Variants in TRA2B observed in about 807,000 individuals in gnomAD.
TRA2B encodes transformer 2 beta homolog.
In TRA2B, 14 loss-of-function variants were observed where a neutral mutation model predicts 41.7. The ratio of observed to expected loss-of-function variants is 0.34; its 90% CI spans 0.22 to 0.53. The LOEUF (loss-of-function observed/expected upper bound fraction) is 0.53, where lower values mean the gene tolerates loss of function less well. Among genes scored for constraint, TRA2B ranks in the 20% least tolerant of loss-of-function variants. The pLI, the probability that TRA2B is intolerant of heterozygous loss-of-function variation, is 0.95. For missense variants in TRA2B, 167 were observed against 396.8 expected (o/e 0.42, Z 4.92); for synonymous variants, 130 against 128.8 (o/e 1.01, Z -0.06).
In TRA2B at chr3:185,937,717, A is replaced by G. The variant is rs571375207; in HGVS notation, c.36+108T>C. On this transcript the variant is annotated intron_variant, in intron 1 of 8. Transcript: ENST00000453386. ...CCCTTGCCTGCCCTCCCGGCTTCAG[A>G]CTTCGGAGCCTAAAACGCCCCTGCC... 8.7e-6 allele frequency: 13 copies of G among 1,498,600 alleles called. No homozygotes were observed. In the African/African-American group the frequency reaches 1.8e-4, roughly 21 times the overall value. The allele number at this position is 1,498,600 out of a possible 1,614,324, so 92.8% of individuals were successfully genotyped here. A position where few individuals can be genotyped will look rare whatever the true frequency, so the allele number is the denominator to read the frequency against.
intron 1 of TRA2B, chr3:185,936,297 A>G: frequency 1.0e-6 from 1 of 985,448 alleles, no homozygotes; most frequent in Non-Finnish European, 1.2e-6. Flanking sequence ...ATCAGAAGTC[A>G]CGACTTTTTA....
chr3:185,925,249 C>T (rs1743900778), intron 3 of TRA2B: 2 of 473,668 alleles, frequency 4.2e-6, no homozygotes, highest in South Asian at 5.5e-5. Flanking sequence ...AGGAGTTACA[C>T]CATTGTGTCA....
intron 1 of TRA2B, among the ~76,000 whole-genome samples, chr3:185,932,959 G>C (rs993388032): frequency 6.6e-6 from 1 of 152,092 alleles, no homozygotes; most frequent in African/African-American, 2.4e-5. Flanking sequence ...CCTAACAAAA[G>C]GATAATTTCC....
intron 1 of TRA2B, chr3:185,936,796 A>G: frequency 4.1e-6 from 4 of 985,286 alleles, no homozygotes; most frequent in Non-Finnish European, 4.8e-6. Context: ...GTATGTTCGC[A>G]TCATTCAATG....
At chr3:185,936,377 T>C in intron 1 of TRA2B, 7 of 985,246 alleles carry the variant, frequency 7.1e-6, no homozygotes, top group Non-Finnish European at 8.4e-6. Context: ...TCTAAAACAC[T>C]CGTGACATTG....
At chr3:185,936,400 T>C (rs1159941713) in intron 1 of TRA2B, 11 of 985,204 alleles carry the variant, frequency 1.1e-5, no homozygotes, top group Admixed American at 6.2e-5. Context: ...GTCAATCGGC[T>C]TCGGGAAAAA....
chr3:185,933,358 C>A (rs566270965), intron 1 of TRA2B, among the ~76,000 whole-genome samples: 1 of 152,254 alleles, frequency 6.6e-6, no homozygotes, highest in Non-Finnish European at 1.5e-5. Flanking sequence ...TTCAACTCAG[C>A]TAAGTTCAAG....
chr3:185,934,597 T>G (rs1744277081), intron 1 of TRA2B: 2 of 985,396 alleles, frequency 2.0e-6, no homozygotes, highest in East Asian at 1.1e-4. Flanking sequence ...TTTCCTCCTA[T>G]TTGACAATTC....
At chr3:185,932,029 GAA>G (rs1477317943) in intron 1 of TRA2B, among the ~76,000 whole-genome samples, 3 of 151,026 alleles carry the variant, frequency 2.0e-5, no homozygotes, top group African/African-American at 7.3e-5. Flanking sequence ...GCTGGTTCTA[GAA>G]TATATGGTAA....
At chr3:185,934,499 A>C (rs970868048) in intron 1 of TRA2B, 24 of 985,436 alleles carry the variant, frequency 2.4e-5, no homozygotes, top group Non-Finnish European at 2.8e-5. Flanking sequence ...CACAATATTA[A>C]AGCATTCTTG....
intron 2 of TRA2B, among the ~76,000 whole-genome samples, chr3:185,926,145 C>T (rs956647012): frequency 1.5e-4 from 22 of 151,440 alleles, no homozygotes; most frequent in East Asian, 1.9e-4. Context: ...TAAATGGTAT[C>T]GCCCCAGGCA....
intron 1 of TRA2B, chr3:185,926,939 C>A (rs1302864464): frequency 1.9e-5 from 11 of 565,104 alleles, no homozygotes; most frequent in Non-Finnish European, 2.9e-5. Context: ...TTTCTTCCAC[C>A]TTTTTGGAGC....
intron 1 of TRA2B, chr3:185,935,789 A>G (rs962868167): frequency 2.0e-6 from 2 of 985,322 alleles, no homozygotes; most frequent in African/African-American, 3.5e-5. Flanking sequence ...CAACCCTTAA[A>G]GGTTCCAATT....
In TRA2B at chr3:185,915,179, C is replaced by T. The variant is rs114618495; in HGVS notation, c.*2536G>A. ...TCGGAAACCCCTGCTCCCAGGTCTA[C>T]AAATCTTTTGACACAGCCTTATTTC... On this transcript the variant is annotated 3_prime_UTR_variant, in exon 9 of 9. Transcript: ENST00000453386. Among the ~76,000 whole-genome samples, 1,083 of 152,274 alleles carry T rather than the reference C, an allele frequency of 7.1e-3. 10 individuals are homozygous for T. Among genetic ancestry groups the T allele is most frequent in the African/African-American group, 0.024 (1,002 of 41,556 alleles).
intron 2 of TRA2B, 68 bp from the exon 3 acceptor site, chr3:185,925,694 A>G (rs758455475): frequency 1.4e-5 from 21 of 1,475,848 alleles, no homozygotes; most frequent in Non-Finnish European, 1.9e-5. Flanking sequence ...ACTCTGTTCT[A>G]AAGTTAAACT....
chr3:185,935,906 A>AT lies in TRA2B; in HGVS notation c.36+1918_36+1919insA, dbSNP rs143180914. Reference sequence around the variant, plus strand: ...CGAAGACTCTTATGTAAGAAAAAAAACTCAATTTTTAACACATTAAGTTAA... The same window carrying AT: ...CGAAGACTCTTATGTAAGAAAAAAAATCTCAATTTTTAACACATTAAGTTAA... On this transcript the variant is annotated intron_variant, in intron 1 of 8. Coordinates refer to ENST00000453386, the MANE Select transcript of TRA2B (RefSeq NM_004593.3). 8.0e-3 allele frequency: 7,842 copies of AT among 985,358 alleles called. 429 individuals carry two copies. In the African/African-American group the frequency reaches 0.12, roughly 16 times the overall value. The allele number at this position is 985,358 out of a possible 1,614,324, so 61.0% of individuals were successfully genotyped here.
At position 185,921,191 on chromosome 3, in the gene TRA2B, T is replaced by G; in HGVS notation, c.639-4A>C. On this transcript the variant is annotated splice_polypyrimidine_tract_variant and splice_region_variant and intron_variant, in intron 5 of 8. Coordinates refer to ENST00000453386, the MANE Select transcript of TRA2B (RefSeq NM_004593.3). ...ATCCCGACGGCGAGAGCTGCCACTA[T>G]GAAGAAAAAAATATTCAGGTGACCT... 1 of 1,613,976 alleles carries G rather than the reference T, an allele frequency of 6.2e-7. No individual in the cohort carries two copies. Among genetic ancestry groups the G allele is most frequent in the South Asian group, 1.1e-5 (1 of 91,088 alleles).
At chr3:185,937,767 A>G in intron 1 of TRA2B, 58 bp downstream of exon 1, 1 of 1,611,988 alleles carries the variant, frequency 6.2e-7, no homozygotes, top group Non-Finnish European at 8.5e-7. Flanking sequence ...CGACGGGCCT[A>G]GAAAAAGATG....
chr3:185,935,871 G>A (rs1744331943), intron 1 of TRA2B: 1 of 985,060 alleles, frequency 1.0e-6, no homozygotes, highest in Admixed American at 6.2e-5. Context: ...TAGAGATCTC[G>A]GCCAGAAAGC....
Sources: gnomAD v4.1 joint callset for allele counts (sites outside exome capture counted in the v4.1 genomes callset) on GRCh38, gnomAD v4.1.1 for gene constraint, MANE v1.5 for transcripts, NCBI Gene and HGNC (gene_info 2026-07-23, HGNC 2026-07-21) for gene names.